Variants in ANXA4 observed in about 807,000 individuals in gnomAD.
ANXA4 encodes annexin A4, also known as 35-beta calcimedin.
ANXA4 carries 39 observed loss-of-function variants against 49.8 expected under a neutral mutation model. The observed-to-expected ratio is 0.78, with a 90% CI of 0.61 to 1.02. The LOEUF (loss-of-function observed/expected upper bound fraction) is 1.02. Ranked by LOEUF, ANXA4 falls within the 50% of genes least tolerant of loss-of-function variation. The probability of loss-of-function intolerance (pLI) is 0.00; values close to 1 mark genes in which losing one functional copy is unlikely to be tolerated. For synonymous variants in ANXA4, 134 were observed against 152.5 expected, an observed-to-expected ratio of 0.88 and a Z score of 0.89; for missense variants, 360 against 410.1, an observed-to-expected ratio of 0.88 and a Z score of 1.05.
At chr2:69,756,913 TA>T (rs1161945823) in intron 1 of ANXA4, among the ~76,000 whole-genome samples, 3 of 145,628 alleles carry the variant, frequency 2.1e-5, no homozygotes. Context: ...TACTACTTAT[TA>T]AATTAATTAA....
At chr2:69,682,011 T>A (rs1018507506) in intron 2 of ANXA4, among the ~76,000 whole-genome samples, 4 of 152,154 alleles carry the variant, frequency 2.6e-5, no homozygotes, top group African/African-American at 7.2e-5. Flanking sequence ...TAAACTTTTT[T>A]AATGTTTTGT....
At chr2:69,723,512 C>T (rs892614349) in intron 3 of ANXA4, among the ~76,000 whole-genome samples, 2 of 152,188 alleles carry the variant, frequency 1.3e-5, no homozygotes, top group African/African-American at 4.8e-5. Context: ...ATTGTTCCCT[C>T]TTCCTAGTCC....
At chr2:69,717,174 A>G (rs1669666239) in intron 2 of ANXA4, among the ~76,000 whole-genome samples, 1 of 152,158 alleles carries the variant, frequency 6.6e-6, no homozygotes, top group Non-Finnish European at 1.5e-5. Flanking sequence ...ATATTCTCCA[A>G]TTCATGCCCA....
rs1050816620 is a variant in ANXA4, at chr2:69,723,452, G to A, written n.864+2581G>A. On this transcript the variant is annotated intron_variant and non_coding_transcript_variant, in intron 3 of 3. Coordinates refer to the ANXA4 transcript ENST00000418066. Reference sequence around the variant, plus strand: ...CAGGCATTTTCTAGGGCAAGGATGTGGTGATGACCATGGAGTCTGCCAAGC... The same window carrying A: ...CAGGCATTTTCTAGGGCAAGGATGTAGTGATGACCATGGAGTCTGCCAAGC... 2.0e-5 allele frequency among the ~76,000 whole-genome samples: 3 copies of A among 152,260 alleles called. No individual in the cohort carries two copies. The South Asian group carries it at 6.2e-4, about 32-fold the overall frequency.
At chr2:69,741,205 G>C (rs559515622), upstream of ANXA4, among the ~76,000 whole-genome samples, 61 of 152,198 alleles carry the variant, frequency 4.0e-4, no homozygotes, top group Non-Finnish European at 6.9e-4. Flanking sequence ...CCCCAAACGG[G>C]CTATTCTCTG....
At chr2:69,659,506 A>T (rs72837992) in intron 2 of ANXA4, among the ~76,000 whole-genome samples, 2 of 152,174 alleles carry the variant, frequency 1.3e-5, no homozygotes, top group Admixed American at 6.5e-5. Flanking sequence ...CAGTGGTGTG[A>T]TCAATAGCTC....
At chr2:69,655,996 A>T (rs1355127955) in intron 2 of ANXA4, among the ~76,000 whole-genome samples, 5 of 151,820 alleles carry the variant, frequency 3.3e-5, no homozygotes, top group African/African-American at 1.2e-4. Context: ...GGACACAGGG[A>T]GGGGAACATC....
At chr2:69,670,656 G>C (rs1052855283) in intron 2 of ANXA4, among the ~76,000 whole-genome samples, 2 of 152,042 alleles carry the variant, frequency 1.3e-5, no homozygotes, top group Admixed American at 1.3e-4. Context: ...ACATGGGGAA[G>C]AGTAAATAGT....
At chr2:69,810,486 C>A in intron 6 of ANXA4, 108 bp from the exon 7 acceptor site, 1 of 869,342 alleles carries the variant, frequency 1.2e-6, no homozygotes, top group Non-Finnish European at 1.9e-6. Context: ...TCATGATAAG[C>A]TGCTTCCATA....
At chr2:69,660,065 A>G (rs1454841421) in intron 2 of ANXA4, among the ~76,000 whole-genome samples, 1 of 152,108 alleles carries the variant, frequency 6.6e-6, no homozygotes, top group Non-Finnish European at 1.5e-5. Context: ...AAGAAAATAC[A>G]TATTTTCTTG....
chr2:69,693,426 C>T (rs1032232175), intron 2 of ANXA4, among the ~76,000 whole-genome samples: 3 of 152,118 alleles, frequency 2.0e-5, no homozygotes, highest in Admixed American at 2.0e-4. Flanking sequence ...AAGCAGACAA[C>T]TGAGGAGCAT....
At chr2:69,694,589 G>A (rs1678096869) in intron 2 of ANXA4, among the ~76,000 whole-genome samples, 1 of 131,226 alleles carries the variant, frequency 7.6e-6, no homozygotes, top group African/African-American at 2.9e-5. Flanking sequence ...TGTTCTCATT[G>A]TTCAATTCCC....
chr2:69,722,241 A>G (rs1669833327), intron 3 of ANXA4, among the ~76,000 whole-genome samples: 1 of 152,252 alleles, frequency 6.6e-6, no homozygotes, highest in African/African-American at 2.4e-5. Flanking sequence ...TATTGGAAGT[A>G]GCAGTGATGT....
intron 2 of ANXA4, among the ~76,000 whole-genome samples, chr2:69,655,712 T>G (rs537468754): frequency 1.3e-5 from 2 of 152,130 alleles, no homozygotes; most frequent in Non-Finnish European, 1.5e-5. Flanking sequence ...CATTCCACTT[T>G]AAAGACACAT....
intron 2 of ANXA4, among the ~76,000 whole-genome samples, chr2:69,703,035 T>A (rs1678380960): frequency 6.6e-6 from 1 of 152,196 alleles, no homozygotes; most frequent in Non-Finnish European, 1.5e-5. Flanking sequence ...GCAAAGTTCT[T>A]AAGTTCTGGA....
At chr2:69,787,066 T>G (rs554010237) in intron 2 of ANXA4, among the ~76,000 whole-genome samples, 1 of 152,316 alleles carries the variant, frequency 6.6e-6, no homozygotes, top group African/African-American at 2.4e-5. Flanking sequence ...TCTCTCCACC[T>G]GTGTGATTTT....
intron 1 of ANXA4, among the ~76,000 whole-genome samples, chr2:69,757,267 T>TATATA (rs1491352039): frequency 4.9e-5 from 1 of 20,536 alleles, no homozygotes; most frequent in African/African-American, 2.6e-4. Context: ...TATATATATA[T>TATATA]TTTTTTTTTT....
intron 3 of ANXA4, among the ~76,000 whole-genome samples, chr2:69,721,152 G>A (rs1317078231): frequency 1.3e-5 from 2 of 152,216 alleles, no homozygotes; most frequent in African/African-American, 2.4e-5. Flanking sequence ...TGGACTCTCC[G>A]AGCTGCCACA....
At chr2:69,703,307 A>C (rs1237866459) in intron 2 of ANXA4, among the ~76,000 whole-genome samples, 1 of 152,064 alleles carries the variant, frequency 6.6e-6, no homozygotes, top group African/African-American at 2.4e-5. Context: ...TAAAGTATGC[A>C]ATTCAGTGAT....
Sources: gnomAD v4.1 joint callset for allele counts (sites outside exome capture counted in the v4.1 genomes callset) on GRCh38, gnomAD v4.1.1 for gene constraint, MANE v1.5 for transcripts, NCBI Gene and HGNC (gene_info 2026-07-23, HGNC 2026-07-21) for gene names.